Variants in CHFR observed in about 807,000 individuals in gnomAD.
The protein encoded by CHFR is E3 ubiquitin-protein ligase CHFR.
In CHFR, 57 loss-of-function variants were observed where a neutral mutation model predicts 87.6. That is an observed-to-expected ratio of 0.65 (90% CI 0.53 to 0.81). CHFR has a LOEUF of 0.81. CHFR is among the 30% of genes least tolerant of loss of function. CHFR has a pLI of 0.00. For missense variants in CHFR, 797 were observed against 865.8 expected, an observed-to-expected ratio of 0.92 and a Z score of 1.00; for synonymous variants, 381 against 359.2, an observed-to-expected ratio of 1.06 and a Z score of -0.69.
intron 6 of CHFR, among the ~76,000 whole-genome samples, chr12:132,868,334 C>T (rs111790907): frequency 3.3e-5 from 5 of 152,158 alleles, no homozygotes; most frequent in African/African-American, 9.6e-5. Context: ...ACTAAAAATA[C>T]AAAAAATTAG....
At position 132,848,148 on chromosome 12, in the gene CHFR, G is replaced by A; in HGVS notation, c.1584C>T (p.Asn528=). 6.2e-7 allele frequency: 1 copy of A among 1,614,140 alleles called. No individual in the cohort carries two copies. ...CGCCGTCCAGACACTTGTCACCCAG[G>A]TTGAGCTCTGCCGAGATGAAGGGGC... is the stretch of plus-strand genomic sequence containing the variant. The part of the protein sequence containing the change: ...YGCLAPFCEL[N]LGDKCLDGVL... The change falls in exon 14 of 18, where the codon AAC becomes AAT. Residue 528 remains asparagine (N), a synonymous_variant. Coordinates refer to ENST00000450056, the MANE Select transcript of CHFR (RefSeq NM_001161346.2).
chr12:132,855,581 C>T (rs1479702789), intron 10 of CHFR, among the ~76,000 whole-genome samples: 1 of 152,038 alleles, frequency 6.6e-6, no homozygotes, highest in African/African-American at 2.4e-5. Flanking sequence ...GCAGGAGAAT[C>T]GCTTGAACCC....
chr12:132,877,681 G>A (rs368546468), intron 2 of CHFR, 27 bp from the exon 3 acceptor site: 29 of 1,493,870 alleles, frequency 1.9e-5, no homozygotes, highest in East Asian at 1.4e-4. Flanking sequence ...GGGTCAACAC[G>A]GGATATGATC....
chr12:132,857,476 C>G lies in CHFR; in HGVS notation c.995G>C (p.Cys332Ser). The change falls in exon 9 of 18, where the codon TGT becomes TCT. Residue 332 changes from cysteine to serine, a missense_variant. Cys to Ser is a moderately radical substitution (Grantham distance 112, BLOSUM62 -1). Around this residue, in one of 2 missense-constraint regions of CHFR, gnomAD observed 597 missense variants for 601.2 expected, o/e 0.99. Transcript: ENST00000450056. ...ERSSLCPTCRCPVERICKNHI... is the reference protein window; with the variant it reads ...ERSSLCPTCRSPVERICKNHI... ...GTTTTTACAGATCCGCTCCACGGGA[C>G]AGCGGCAGGTAGGACACAGGGACGA... The G allele has an allele frequency of 6.2e-7, 1 of 1,614,196 alleles. No homozygotes were observed. The highest frequency in any genetic ancestry group is 8.5e-7 in the Non-Finnish European group (1 of 1,180,020).
intron 8 of CHFR, 75 bp downstream of exon 8, chr12:132,858,993 G>C: frequency 6.9e-7 from 1 of 1,439,092 alleles, no homozygotes; most frequent in Non-Finnish European, 9.4e-7. Context: ...CTTGTCTCAT[G>C]CCCAGCCCTG....
chr12:132,863,017 C>G (rs1255449804), intron 6 of CHFR, among the ~76,000 whole-genome samples: 1 of 150,652 alleles, frequency 6.6e-6, no homozygotes, highest in Non-Finnish European at 1.5e-5. Context: ...CTGCCTCAGC[C>G]TCCTGAGTAG....
chr12:132,857,643 C>T (rs771434751), intron 8 of CHFR, 84 bp from the exon 9 acceptor site: 63 of 1,368,646 alleles, frequency 4.6e-5, no homozygotes, highest in South Asian at 3.1e-4. Context: ...AGCCCCACCA[C>T]GGAAGGGCCT....
chr12:132,872,510 G>T (rs1255492584), intron 3 of CHFR, 116 bp from the exon 4 acceptor site: 1 of 679,942 alleles, frequency 1.5e-6, no homozygotes, highest in Non-Finnish European at 2.6e-6. Context: ...ATACTCATAG[G>T]AACAGTGTAA....
At chr12:132,878,615 C>G (rs1025328634) in intron 2 of CHFR, among the ~76,000 whole-genome samples, 1 of 151,618 alleles carries the variant, frequency 6.6e-6, no homozygotes, top group African/African-American at 2.4e-5. Context: ...GTCAGGAGAT[C>G]GAGACCATCC....
chr12:132,844,004 T>C (rs749219400), intron 16 of CHFR, 23 bp downstream of exon 16: 8 of 1,471,704 alleles, frequency 5.4e-6, no homozygotes, highest in East Asian at 2.3e-5. Context: ...ACTAGAGCCA[T>C]GAGGAAGTCG....
intron 6 of CHFR, chr12:132,866,941 G>C (rs2137003980): frequency 6.6e-6 from 1 of 152,500 alleles, no homozygotes; most frequent in Non-Finnish European, 1.5e-5. Context: ...GGCTGAGGCA[G>C]GGGAATCACT....
intron 2 of CHFR, among the ~76,000 whole-genome samples, chr12:132,879,011 T>G (rs1411909720): frequency 0.011 from 214 of 19,218 alleles, 7 homozygotes; most frequent in East Asian, 0.084. Context: ...TTTTGTTTGT[T>G]TTTTTTTTTT....
rs549782692 is a variant in CHFR at position 132,841,507 on chromosome 12, G to A, written c.*47C>T. On this transcript the variant is annotated 3_prime_UTR_variant, in exon 18 of 18. Transcript: ENST00000450056. The stretch of plus-strand genomic sequence containing the variant: ...GCTTGTCTCTGTATTTTAAAAACAC[G>A]CTCTCTTCACCTCCAGTGCTGAAAG... The A allele has an allele frequency of 5.2e-6, 8 of 1,525,574 alleles. No individual in the cohort carries two copies. The highest frequency in any genetic ancestry group is 1.7e-5 in the Admixed American group (1 of 59,810). 94.5% of individuals were successfully genotyped at this position (1,525,574 alleles called of 1,614,324 possible).
intron 3 of CHFR, among the ~76,000 whole-genome samples, chr12:132,877,303 G>A (rs533238568): frequency 1.3e-5 from 2 of 152,240 alleles, no homozygotes; most frequent in East Asian, 3.9e-4. Flanking sequence ...TATGTAGTAG[G>A]CTACACCATC....
rs1566170710 is a variant in CHFR at position 132,840,654 on chromosome 12, G to A, written c.*900C>T. The A allele has an allele frequency of 6.5e-6, 1 of 152,686 alleles. No homozygotes were observed. The highest frequency in any genetic ancestry group is 2.4e-5 in the African/African-American group (1 of 41,454). The allele number at this position is 152,686 out of a possible 1,614,324, so 9.5% of individuals were successfully genotyped here. A position where few individuals can be genotyped will look rare whatever the true frequency, so the allele number is the denominator to read the frequency against. Reference sequence around the variant, plus strand: ...CTGTAGGGTCTTGGAGGAAGGGCCCGGGCAGCATGAGGGAGCGGCGCGTCC... The same window carrying A: ...CTGTAGGGTCTTGGAGGAAGGGCCCAGGCAGCATGAGGGAGCGGCGCGTCC... On this transcript the variant is annotated 3_prime_UTR_variant, in exon 18 of 18. Coordinates refer to ENST00000450056, the MANE Select transcript of CHFR (RefSeq NM_001161346.2).
intron 17 of CHFR, among the ~76,000 whole-genome samples, chr12:132,842,521 G>A (rs1416250141): frequency 6.6e-6 from 1 of 152,200 alleles, no homozygotes; most frequent in South Asian, 2.1e-4. Flanking sequence ...AGTGATTTAC[G>A]TGATCACCTA....
At chr12:132,886,568 A>T (rs563610210) in intron 2 of CHFR, among the ~76,000 whole-genome samples, 3 of 152,280 alleles carry the variant, frequency 2.0e-5, no homozygotes, top group South Asian at 4.1e-4. Flanking sequence ...GGGAGACTGG[A>T]GGCAGTGAAT....
chr12:132,868,394 C>T (rs992009793), intron 6 of CHFR, among the ~76,000 whole-genome samples: 1 of 152,152 alleles, frequency 6.6e-6, no homozygotes, highest in South Asian at 2.1e-4. Flanking sequence ...GAGGCTGAGG[C>T]AGGAAAATGG....
chr12:132,861,395 A>T lies in CHFR; in HGVS notation c.751+72T>A. The T allele has an allele frequency of 3.4e-6, 5 of 1,489,218 alleles. No individual in the cohort carries two copies. In the South Asian group the frequency reaches 3.6e-5, roughly 11 times the overall value. 92.3% of individuals were successfully genotyped at this position (1,489,218 alleles called of 1,614,324 possible). Reference sequence around the variant, plus strand: ...CAGGAAGCAATGCCCCACAGCACGGAGCATGGCAGCGGCCCCCGCATGCCC... The same window carrying T: ...CAGGAAGCAATGCCCCACAGCACGGTGCATGGCAGCGGCCCCCGCATGCCC... On this transcript the variant is annotated intron_variant, in intron 7 of 17. Coordinates refer to ENST00000450056, the MANE Select transcript of CHFR (RefSeq NM_001161346.2).
Sources: allele counts gnomAD v4.1 joint callset (sites outside exome capture counted in the v4.1 genomes callset), GRCh38; gene constraint gnomAD v4.1.1; regional missense constraint gnomAD v4.1.1; transcripts MANE v1.5; gene names NCBI Gene and HGNC (gene_info 2026-07-23, HGNC 2026-07-21).